Variants in SYT9 observed in about 807,000 individuals in gnomAD.
SYT9 encodes synaptotagmin-9.
Under a neutral mutation model 48.4 loss-of-function variants are expected in SYT9, and 22 were observed. The ratio of observed to expected loss-of-function variants is 0.45; its 90% CI spans 0.32 to 0.65. SYT9 has a LOEUF of 0.65. SYT9 is among the 30% of genes least tolerant of loss of function. The probability of loss-of-function intolerance (pLI) is 0.03; values close to 1 mark genes in which losing one functional copy is unlikely to be tolerated. For missense variants in SYT9, 577 were observed against 622.0 expected (o/e 0.93, Z 0.77); for synonymous variants, 265 against 245.0 (o/e 1.08, Z -0.76).
At chr11:7,299,283 T>C (rs1175075762) in intron 1 of SYT9, among the ~76,000 whole-genome samples, 1 of 152,146 alleles carries the variant, frequency 6.6e-6, no homozygotes, top group Non-Finnish European at 1.5e-5. Context: ...GCCTTAGTGA[T>C]TCCAAAGTAG....
intron 3 of SYT9, among the ~76,000 whole-genome samples, chr11:7,393,261 G>T: frequency 6.8e-6 from 1 of 147,834 alleles, no homozygotes; most frequent in South Asian, 2.1e-4. Context: ...TTTCTATTTT[G>T]AGGTATGTTC....
chr11:7,371,561 T>A (rs1850362791), intron 3 of SYT9, among the ~76,000 whole-genome samples: 1 of 152,290 alleles, frequency 6.6e-6, no homozygotes, highest in South Asian at 2.1e-4. Flanking sequence ...TCTTAAGTGC[T>A]CAGTTTAATG....
Position 7,416,099 on chromosome 11 carries a change from A to C in SYT9, c.1102A>C (p.Arg368=). The change falls in exon 4 of 7, where the codon AGG becomes CGG. Residue 368 remains arginine (R), a synonymous_variant. Transcript: ENST00000318881. Reference sequence around the variant, plus strand: ...CCTGTGCTATCTTCCAACGGCTGGCAGGCTGACCATTACCATTATAAAAGC... The same window carrying C: ...CCTGTGCTATCTTCCAACGGCTGGCCGGCTGACCATTACCATTATAAAAGC... ...FSLCYLPTAG[R]LTITIIKARN... 1 of 1,614,210 alleles carries C rather than the reference A, an allele frequency of 6.2e-7. No individual in the cohort carries two copies. The highest frequency in any genetic ancestry group is 8.5e-7 in the Non-Finnish European group (1 of 1,180,032).
intron 6 of SYT9, among the ~76,000 whole-genome samples, chr11:7,422,566 A>G (rs1278871794): frequency 9.2e-5 from 14 of 152,192 alleles, no homozygotes. Context: ...GAAGAGTTGT[A>G]ATAGACTTTT....
At chr11:7,412,685 A>C (rs7127113) in intron 3 of SYT9, among the ~76,000 whole-genome samples, 1 of 152,128 alleles carries the variant, frequency 6.6e-6, no homozygotes, top group Non-Finnish European at 1.5e-5. Context: ...TAGTGGCAGC[A>C]GTGGGCCTGG....
At chr11:7,381,435 G>C (rs1850562403) in intron 3 of SYT9, among the ~76,000 whole-genome samples, 1 of 152,180 alleles carries the variant, frequency 6.6e-6, no homozygotes, top group Non-Finnish European at 1.5e-5. Flanking sequence ...TACCTATATG[G>C]TTTCCCTCTC....
intron 3 of SYT9, among the ~76,000 whole-genome samples, chr11:7,321,595 T>G (rs557739363): frequency 2.0e-5 from 3 of 152,308 alleles, no homozygotes; most frequent in South Asian, 4.1e-4. Context: ...AGGAAATAAT[T>G]CAAGGGCAAC....
chr11:7,415,889 C>T (rs1345402814), intron 3 of SYT9, among the ~76,000 whole-genome samples, 153 bp from the exon 4 acceptor site: 1 of 152,154 alleles, frequency 6.6e-6, no homozygotes, highest in African/African-American at 2.4e-5. Flanking sequence ...TTATTATTCT[C>T]CCTGTGACTG....
At chr11:7,376,257 TTC>T (rs986352987) in intron 3 of SYT9, among the ~76,000 whole-genome samples, 1 of 151,342 alleles carries the variant, frequency 6.6e-6, no homozygotes, top group East Asian at 1.9e-4. Flanking sequence ...CTGTTTCTCT[TTC>T]TCTCTCTCTC....
At chr11:7,406,012 G>A (rs1294293899) in intron 3 of SYT9, among the ~76,000 whole-genome samples, 1 of 152,062 alleles carries the variant, frequency 6.6e-6, no homozygotes, top group Non-Finnish European at 1.5e-5. Flanking sequence ...GAAAGTTTCT[G>A]TTCTTATAGA....
chr11:7,410,965 C>T (rs927230864), intron 3 of SYT9, among the ~76,000 whole-genome samples: 1 of 152,198 alleles, frequency 6.6e-6, no homozygotes, highest in Non-Finnish European at 1.5e-5. Flanking sequence ...AGTGATTCTC[C>T]TGCCTCAGCC....
chr11:7,263,437 A>G (rs998443720), intron 1 of SYT9, among the ~76,000 whole-genome samples: 1 of 152,218 alleles, frequency 6.6e-6, no homozygotes, highest in African/African-American at 2.4e-5. Flanking sequence ...ACTAGGGATT[A>G]GGTTTCAACA....
In SYT9 at chr11:7,313,695, T is replaced by C; in HGVS notation, c.798T>C (p.Pro266=). 1 of 1,614,220 alleles carries C rather than the reference T, an allele frequency of 6.2e-7. No homozygotes were observed. Among genetic ancestry groups the C allele is most frequent in the Non-Finnish European group, 8.5e-7 (1 of 1,180,020 alleles). ...SDPYVKIYLL[P]DRKTKHQTKV... is the part of the protein sequence containing the mutation. Reference sequence around the variant, plus strand: ...CTTATGTCAAGATCTATTTGCTTCCTGATCGGAAAACAAAACACCAGACTA... The same window carrying C: ...CTTATGTCAAGATCTATTTGCTTCCCGATCGGAAAACAAAACACCAGACTA... The change falls in exon 3 of 7, where the codon CCT becomes CCC. Residue 266 remains proline (P), a synonymous_variant. Coordinates refer to ENST00000318881, the MANE Select transcript of SYT9 (RefSeq NM_175733.4).
chr11:7,450,360 T>C (rs987595257), intron 6 of SYT9: 15 of 152,216 alleles, frequency 9.9e-5, no homozygotes, highest in African/African-American at 3.1e-4. Flanking sequence ...CAGTTCCACA[T>C]GTTTCTACTC....
At chr11:7,290,355 C>T (rs1848677903) in intron 1 of SYT9, among the ~76,000 whole-genome samples, 1 of 152,192 alleles carries the variant, frequency 6.6e-6, no homozygotes, top group South Asian at 2.1e-4. Context: ...GCCACTCCAG[C>T]CCCAGTTATA....
intron 3 of SYT9, among the ~76,000 whole-genome samples, chr11:7,375,936 C>T (rs4758177): frequency 0.25 from 37,950 of 151,780 alleles, 6,027 homozygotes; most frequent in East Asian, 0.62. Flanking sequence ...TCACTTCCTT[C>T]AGGTCTCCTC....
At chr11:7,301,726 T>A (rs1848923872) in intron 1 of SYT9, among the ~76,000 whole-genome samples, 1 of 152,202 alleles carries the variant, frequency 6.6e-6, no homozygotes, top group African/African-American at 2.4e-5. Flanking sequence ...ATATTAATGA[T>A]GGGCAGTAGA....
At chr11:7,396,506 C>G (rs1564889008) in intron 3 of SYT9, among the ~76,000 whole-genome samples, 1 of 152,088 alleles carries the variant, frequency 6.6e-6, no homozygotes, top group Non-Finnish European at 1.5e-5. Context: ...TTTATTCATT[C>G]CCCAGTTGAT....
At chr11:7,325,950 C>A (rs1239779732) in intron 3 of SYT9, among the ~76,000 whole-genome samples, 3 of 78,980 alleles carry the variant, frequency 3.8e-5, no homozygotes, top group African/African-American at 1.7e-4. Flanking sequence ...GCCTTGCATC[C>A]CAGGGATGAA....
Sources: gnomAD v4.1 joint callset for allele counts (sites outside exome capture counted in the v4.1 genomes callset) on GRCh38, gnomAD v4.1.1 for gene constraint, MANE v1.5 for transcripts, NCBI Gene and HGNC (gene_info 2026-07-23, HGNC 2026-07-21) for gene names.